BEND2: variants seen among roughly 807,000 people sequenced by gnomAD.
The protein encoded by BEND2 is BEN domain containing 2, also known as BEN domain-containing protein 2.
BEND2 carries 19 observed loss-of-function variants against 43.8 expected under a neutral mutation model. The observed-to-expected ratio is 0.43, with a 90% CI of 0.30 to 0.64. The LOEUF is 0.64. Ranked by LOEUF, BEND2 falls within the 30% of genes least tolerant of loss-of-function variation. The pLI, the probability that BEND2 is intolerant of heterozygous loss-of-function variation, is 0.11. For missense variants in BEND2, 544 were observed against 574.0 expected (o/e 0.95, Z 0.53); for synonymous variants, 226 against 210.1 (o/e 1.08, Z -0.66).
At chrX:18,204,826 G>A (rs765736004) in intron 4 of BEND2, among the ~76,000 whole-genome samples, 6 of 111,728 alleles carry the variant, frequency 5.4e-5, no homozygotes, top group Non-Finnish European at 9.4e-5. Context: ...GCACATCAAG[G>A]AAGGTGCTAT....
chrX:18,166,062 CTAAT>C (rs1219006046), intron 13 of BEND2, among the ~76,000 whole-genome samples: 1 of 112,171 alleles, frequency 8.9e-6, no homozygotes, highest in Non-Finnish European at 1.9e-5. Context: ...ACCCAAAGGA[CTAAT>C]TAATTAATGG....
intron 1 of BEND2, among the ~76,000 whole-genome samples, chrX:18,219,115 C>G (rs762195719): frequency 8.9e-5 from 10 of 111,995 alleles, no homozygotes; most frequent in African/African-American, 2.6e-4. Flanking sequence ...CAAAGGCAGC[C>G]CTTCCTTTGC....
At chrX:18,191,579 C>T (rs1270002261) in intron 7 of BEND2, among the ~76,000 whole-genome samples, 3 of 112,084 alleles carry the variant, frequency 2.7e-5, no homozygotes, top group African/African-American at 9.7e-5. Context: ...TATGAGTGTT[C>T]ATAGCAGCTT....
chrX:18,202,661 C>A (rs1925204024), intron 5 of BEND2, among the ~76,000 whole-genome samples: 1 of 111,775 alleles, frequency 8.9e-6, no homozygotes, highest in Non-Finnish European at 1.9e-5. Flanking sequence ...TTTCAATCAC[C>A]CAGTCTATGG....
rs1176667913 is a variant in BEND2 at position 18,175,981 on chromosome X, C to G, written c.1743G>C (p.Lys581Asn). The stretch of plus-strand genomic sequence containing the variant: ...ATGAAAAATAACTTACTGGAGTACT[C>G]TTGCCTTCAGAACATAAACAGTAGA... ...SMIYCLCSEGKSTPKTVRKNK... is the reference protein window; with the variant it reads ...SMIYCLCSEGNSTPKTVRKNK... The change falls in exon 11 of 14, where the codon AAG becomes AAC. Residue 581 changes from lysine to asparagine, a missense_variant. Lys to Asn is a moderately conservative substitution (Grantham distance 94). Around this residue, in one of 2 missense-constraint regions of BEND2, gnomAD observed 501 missense variants for 501.6 expected, o/e 1.00. Transcript: ENST00000380033. The G allele has an allele frequency of 2.5e-6, 3 of 1,190,614 alleles. No homozygotes were observed. The highest frequency in any genetic ancestry group is 3.8e-5 in the South Asian group (2 of 52,741).
At chrX:18,165,945 T>C (rs186038839) in intron 13 of BEND2, among the ~76,000 whole-genome samples, 147 of 111,995 alleles carry the variant, frequency 1.3e-3, no homozygotes, top group African/African-American at 4.4e-3. Context: ...TTAATCTCAT[T>C]TGTTTTTCAA....
At chrX:18,181,520 G>A (rs753283669) in intron 8 of BEND2, among the ~76,000 whole-genome samples, 1 of 111,569 alleles carries the variant, frequency 9.0e-6, no homozygotes, top group Admixed American at 9.5e-5. Context: ...AAAGAAAGGC[G>A]ATACAAAACC....
In BEND2 at chrX:18,165,025, G is replaced by A. The variant is rs770952083; in HGVS notation, c.2384C>T (p.Thr795Ile). The A allele has an allele frequency of 9.9e-6, 12 of 1,206,205 alleles. No individual in the cohort carries two copies. In the East Asian group the frequency reaches 3.0e-4, roughly 30 times the overall value. ...QESKPGDPDA[T>I]DPST ...AGCTGCCGTTCAGGTGCTTGGGTCAGTGGCGTCGGGATCTCCTGGCTTTGA... is the reference window on the plus strand; with the variant it reads ...AGCTGCCGTTCAGGTGCTTGGGTCAATGGCGTCGGGATCTCCTGGCTTTGA... Residue 795 changes from threonine to isoleucine, a missense_variant, in exon 14 of 14, where the codon ACT becomes ATT. Physicochemically the swap from Thr to Ile is moderately conservative, Grantham distance 89. Coordinates refer to ENST00000380033, the MANE Select transcript of BEND2 (RefSeq NM_153346.5).
chrX:18,194,515 T>C (rs1924875699), intron 7 of BEND2, among the ~76,000 whole-genome samples: 1 of 110,313 alleles, frequency 9.1e-6, no homozygotes, highest in African/African-American at 3.3e-5. Context: ...TATACAAAAA[T>C]GTGTACATGA....
intron 5 of BEND2, among the ~76,000 whole-genome samples, chrX:18,202,405 C>T (rs1925195681): frequency 8.9e-6 from 1 of 111,973 alleles, no homozygotes; most frequent in Non-Finnish European, 1.9e-5. Flanking sequence ...CCAATGTGAT[C>T]GTATTAAGAA....
chrX:18,163,347 A>G lies in BEND2; in HGVS notation c.*1662T>C, dbSNP rs1923743820. ...CATTTTGAACTGTGCCATCCAACAC[A>G]GTAGCCACTATCCACTTGTGGCTAT... On this transcript the variant is annotated 3_prime_UTR_variant, in exon 14 of 14. Transcript: ENST00000380033. The G allele has an allele frequency of 8.9e-6, 1 of 111,959 alleles. No individual in the cohort carries two copies. Among genetic ancestry groups the G allele is most frequent in the African/African-American group, 3.2e-5 (1 of 30,855 alleles). 9.2% of individuals were successfully genotyped at this position (111,959 alleles called of 1,213,427 possible).
intron 9 of BEND2, among the ~76,000 whole-genome samples, chrX:18,178,012 A>G (rs901974478): frequency 1.8e-5 from 2 of 110,860 alleles, no homozygotes; most frequent in African/African-American, 6.6e-5. Flanking sequence ...CTTCACTTCT[A>G]CTGGTCTTGA....
intron 8 of BEND2, among the ~76,000 whole-genome samples, chrX:18,182,858 A>G (rs987679421): frequency 9.1e-6 from 1 of 110,015 alleles, no homozygotes; most frequent in East Asian, 2.9e-4. Context: ...CCTGGCCAAC[A>G]TGGTGAAACC....
chrX:18,176,240 C>T, intron 10 of BEND2, 147 bp from the exon 11 acceptor site: 1 of 438,660 alleles, frequency 2.3e-6, no homozygotes, highest in Non-Finnish European at 3.6e-6. Context: ...TACTTCTCAT[C>T]CTTTTCTCTT....
chrX:18,217,614 C>T (rs1388754416), intron 1 of BEND2, among the ~76,000 whole-genome samples: 2 of 110,900 alleles, frequency 1.8e-5, no homozygotes, highest in Admixed American at 9.7e-5. Flanking sequence ...TTTTCTCACC[C>T]GTAAAAAGTG....
At chrX:18,212,706 A>G in intron 3 of BEND2, 26 bp from the exon 4 acceptor site, 2 of 965,304 alleles carry the variant, frequency 2.1e-6, no homozygotes, top group Non-Finnish European at 1.5e-6. Flanking sequence ...TTAAAAAGTT[A>G]TTTCATACAC....
intron 7 of BEND2, among the ~76,000 whole-genome samples, chrX:18,193,250 G>A (rs1464627572): frequency 9.0e-6 from 1 of 110,924 alleles, no homozygotes; most frequent in African/African-American, 3.3e-5. Context: ...CCCAAGAGGT[G>A]GAGGTTGCTG....
At chrX:18,180,119 G>C (rs1350528475) in intron 9 of BEND2, among the ~76,000 whole-genome samples, 1 of 112,454 alleles carries the variant, frequency 8.9e-6, no homozygotes, top group African/African-American at 3.2e-5. Flanking sequence ...GGAGGTTGCA[G>C]TGAGCCAAGA....
intron 4 of BEND2, among the ~76,000 whole-genome samples, chrX:18,208,347 C>T (rs757751282): frequency 6.5e-5 from 7 of 108,182 alleles, no homozygotes; most frequent in Middle Eastern, 5.0e-3. Context: ...ATTAGCCGGG[C>T]GTGGTGGCAC....
Sources: gnomAD v4.1 joint callset for allele counts (sites outside exome capture counted in the v4.1 genomes callset) on GRCh38, gnomAD v4.1.1 for gene constraint, gnomAD v4.1.1 regional missense constraint, MANE v1.5 for transcripts, NCBI Gene and HGNC (gene_info 2026-07-23, HGNC 2026-07-21) for gene names.